Variants in SULT4A1 observed in about 807,000 individuals in gnomAD.
SULT4A1 encodes the protein sulfotransferase 4A1.
A neutral mutation model predicts 35.2 loss-of-function variants in SULT4A1; 11 were observed. The ratio of observed to expected loss-of-function variants is 0.31; its 90% CI spans 0.20 to 0.52. SULT4A1 has a LOEUF of 0.52. SULT4A1 is among the 20% of genes least tolerant of loss of function. The probability of loss-of-function intolerance (pLI) is 0.97; values close to 1 mark genes in which losing one functional copy is unlikely to be tolerated. For missense variants in SULT4A1, 271 were observed against 383.7 expected, an observed-to-expected ratio of 0.71 and a Z score of 2.45; for synonymous variants, 152 against 151.8, an observed-to-expected ratio of 1.00 and a Z score of -0.01.
In SULT4A1 at chr22:43,841,084, C is replaced by T. The variant is rs140128536; in HGVS notation, c.300+718G>A. ...AAGAGCAGTGCCTTGAACGCGGTGG[C>T]CCTCGGCACGGCAGTACGGAACGAC... On this transcript the variant is annotated intron_variant, in intron 2 of 6. Coordinates refer to ENST00000330884, the MANE Select transcript of SULT4A1 (RefSeq NM_014351.4). Among the ~76,000 whole-genome samples, 1,521 of 152,354 alleles carry T rather than the reference C, an allele frequency of 1.0e-2. 27 individuals carry two copies. The highest frequency in any genetic ancestry group is 0.035 in the African/African-American group (1,467 of 41,586).
chr22:43,838,376 G>A (rs1482474629), intron 4 of SULT4A1, among the ~76,000 whole-genome samples: 1 of 151,778 alleles, frequency 6.6e-6, no homozygotes, highest in Admixed American at 6.6e-5. Flanking sequence ...GCCTGTGCCT[G>A]AGGTTCAGCC....
intron 6 of SULT4A1, among the ~76,000 whole-genome samples, chr22:43,828,005 C>T (rs2063299964): frequency 6.6e-6 from 1 of 152,208 alleles, no homozygotes. Context: ...TTCAAACCGC[C>T]CTTAGCCGTG....
chr22:43,825,421 C>T lies in SULT4A1; in HGVS notation c.*580G>A, dbSNP rs2063280160. 6.6e-6 allele frequency: 1 copy of T among 152,306 alleles called. No homozygotes were observed. Among genetic ancestry groups the T allele is most frequent in the Non-Finnish European group, 1.5e-5 (1 of 68,140 alleles). The allele number at this position is 152,306 out of a possible 1,614,324, so 9.4% of individuals were successfully genotyped here. A position where few individuals can be genotyped will look rare whatever the true frequency, so the allele number is the denominator to read the frequency against. ...AATTTCTGCTCATTTCAGGAAGGTTCTGAAGAAGTGAACTCCGTCAGAATA... is the reference window on the plus strand; with the variant it reads ...AATTTCTGCTCATTTCAGGAAGGTTTTGAAGAAGTGAACTCCGTCAGAATA... On this transcript the variant is annotated 3_prime_UTR_variant, in exon 7 of 7. Coordinates refer to ENST00000330884, the MANE Select transcript of SULT4A1 (RefSeq NM_014351.4).
chr22:43,825,885 G>A lies in SULT4A1; in HGVS notation c.*116C>T, dbSNP rs151220982. The A allele has an allele frequency of 1.6e-5, 17 of 1,035,136 alleles. No homozygotes were observed. The highest frequency in any genetic ancestry group is 3.1e-5 in the South Asian group (2 of 63,972). 64.1% of individuals were successfully genotyped at this position (1,035,136 alleles called of 1,614,324 possible). A position where few individuals can be genotyped will look rare whatever the true frequency, so the allele number is the denominator to read the frequency against. ...GCTCACGCCGCTCTTCCCTTCCCCC[G>A]CTGTTTCACACGCTGCTTCCAGAGT... On this transcript the variant is annotated 3_prime_UTR_variant, in exon 7 of 7. Transcript: ENST00000330884.
chr22:43,844,679 ACTCTCCG>A (rs1244845214), intron 1 of SULT4A1, among the ~76,000 whole-genome samples: 1 of 151,048 alleles, frequency 6.6e-6, no homozygotes, highest in Non-Finnish European at 1.5e-5. Context: ...CAACCACAGC[ACTCTCCG>A]CTCTGCCTGT....
rs746287912 is a variant in SULT4A1, at chr22:43,841,910, C to A, written c.192G>T (p.Val64=). 5 of 1,613,472 alleles carry A rather than the reference C, an allele frequency of 3.1e-6. No individual in the cohort carries two copies. The highest frequency in any genetic ancestry group is 4.2e-6 in the Non-Finnish European group (5 of 1,179,690). The stretch of plus-strand genomic sequence containing the variant: ...CAGCGCCCTGGCTCACCAAGTAGAC[C>A]ACCTCCTGCAGCAAGCTGGTGCCTG... ...PKSGTSLLQE[V]VYLVSQGADP... is the part of the protein sequence containing the mutation. Residue 64 remains valine (V), a synonymous_variant, in exon 2 of 7, where the codon GTG becomes GTT. Transcript: ENST00000330884.
At chr22:43,826,653 A>C (rs574919160) in intron 6 of SULT4A1, 1 of 985,402 alleles carries the variant, frequency 1.0e-6, no homozygotes, top group African/African-American at 1.7e-5. Flanking sequence ...AAGTGCAGAA[A>C]ATTTTACACT....
intron 6 of SULT4A1, chr22:43,826,342 G>A (rs2063286657): frequency 1.0e-6 from 1 of 985,248 alleles, no homozygotes. Flanking sequence ...TTCCCTCTGA[G>A]GCTGTGGCAC....
At position 43,825,822 on chromosome 22, in the gene SULT4A1, G is replaced by A. The variant is rs1044698573; in HGVS notation, c.*179C>T. The A allele has an allele frequency of 1.6e-6, 1 of 614,568 alleles. No individual in the cohort carries two copies. The highest frequency in any genetic ancestry group is 2.9e-5 in the East Asian group (1 of 34,224). 38.1% of individuals were successfully genotyped at this position (614,568 alleles called of 1,614,324 possible). ...GAGAGGCTGCACGTTCTAAAGGCGA[G>A]ACAGCTGCTTTCGGTTGGGAATCAT... On this transcript the variant is annotated 3_prime_UTR_variant, in exon 7 of 7. Transcript: ENST00000330884.
intron 4 of SULT4A1, 149 bp from the exon 5 acceptor site, chr22:43,833,883 C>T: frequency 4.4e-6 from 3 of 677,442 alleles, no homozygotes; most frequent in Non-Finnish European, 7.5e-6. Flanking sequence ...GGCAAAGGCC[C>T]CCGAGGCACT....
At chr22:43,841,987 C>T in intron 1 of SULT4A1, 55 bp from the exon 2 acceptor site, 1 of 1,578,100 alleles carries the variant, frequency 6.3e-7, no homozygotes, top group Non-Finnish European at 8.6e-7. Context: ...CGCGCCCGGC[C>T]CTGTGCTCGG....
chr22:43,831,957 G>C (rs1408952832), intron 5 of SULT4A1, among the ~76,000 whole-genome samples: 2 of 152,248 alleles, frequency 1.3e-5, no homozygotes, highest in Non-Finnish European at 2.9e-5. Flanking sequence ...AGGCCTGCAC[G>C]TAGGTGATGC....
At position 43,825,991 on chromosome 22, in the gene SULT4A1, G is replaced by C. The variant is rs1235542509; in HGVS notation, c.*10C>G. On this transcript the variant is annotated 3_prime_UTR_variant, in exon 7 of 7. Coordinates refer to ENST00000330884, the MANE Select transcript of SULT4A1 (RefSeq NM_014351.4). The stretch of plus-strand genomic sequence containing the variant: ...GGGTATTGTGAGCATGCAGGTTGTT[G>C]TTTCTGTTATTATAAATAAAAGTCA... 2 of 1,612,556 alleles carry C rather than the reference G, an allele frequency of 1.2e-6. No individual in the cohort carries two copies. Among genetic ancestry groups the C allele is most frequent in the Admixed American group, 3.3e-5 (2 of 59,956 alleles).
chr22:43,828,022 C>A (rs2063300108), intron 6 of SULT4A1, among the ~76,000 whole-genome samples: 1 of 152,178 alleles, frequency 6.6e-6, no homozygotes, highest in African/African-American at 2.4e-5. Flanking sequence ...CGTGATCAGC[C>A]CCTTTTCAGA....
chr22:43,841,746 T>A (rs1030809631), intron 2 of SULT4A1, 56 bp downstream of exon 2: 3 of 1,584,476 alleles, frequency 1.9e-6, no homozygotes, highest in Non-Finnish European at 2.6e-6. Flanking sequence ...CATCAGGGTG[T>A]AACGGTAGAA....
At chr22:43,856,983 A>G (rs947716045) in intron 1 of SULT4A1, among the ~76,000 whole-genome samples, 1 of 152,228 alleles carries the variant, frequency 6.6e-6, no homozygotes, top group African/African-American at 2.4e-5. Context: ...CAAAGCAATC[A>G]ACAGAATTAG....
intron 1 of SULT4A1, among the ~76,000 whole-genome samples, chr22:43,849,202 G>A (rs905695005): frequency 6.6e-6 from 1 of 152,120 alleles, no homozygotes; most frequent in South Asian, 2.1e-4. Flanking sequence ...TGATCAGAAT[G>A]GCCTGGAAAC....
intron 1 of SULT4A1, among the ~76,000 whole-genome samples, chr22:43,858,622 C>G (rs1045240810): frequency 6.6e-6 from 1 of 152,278 alleles, no homozygotes. Context: ...CACTTTGTTA[C>G]CCTGTGTGGT....
Position 43,844,334 on chromosome 22 carries a change from G to A in SULT4A1, c.170-2402C>T, listed in dbSNP as rs114208100. Among the ~76,000 whole-genome samples the A allele has an allele frequency of 8.4e-3, 1,282 of 152,342 alleles. 17 individuals are homozygous for A. Among genetic ancestry groups the A allele is most frequent in the African/African-American group, 0.029 (1,225 of 41,572 alleles). ...CCAGCGTGCCGTGCCATTAAAGGCA[G>A]GGAGAGGCCTGCGGGGGAGCTCGTG... On this transcript the variant is annotated intron_variant, in intron 1 of 6. Transcript: ENST00000330884.
Sources: allele counts gnomAD v4.1 joint callset (sites outside exome capture counted in the v4.1 genomes callset), GRCh38; gene constraint gnomAD v4.1.1; transcripts MANE v1.5; gene names NCBI Gene and HGNC (gene_info 2026-07-23, HGNC 2026-07-21).